Variants in SDC1 observed in about 807,000 individuals in gnomAD.
The protein encoded by SDC1 is syndecan-1.
SDC1 carries 14 observed loss-of-function variants against 29.7 expected under a neutral mutation model. The observed-to-expected ratio is 0.47, with a 90% CI of 0.31 to 0.74. SDC1 has a LOEUF of 0.74. Ranked by LOEUF, SDC1 falls within the 30% of genes least tolerant of loss-of-function variation. SDC1 has a pLI of 0.05. For synonymous variants in SDC1, 204 were observed against 175.5 expected, an observed-to-expected ratio of 1.16 and a Z score of -1.29; for missense variants, 406 against 400.3, an observed-to-expected ratio of 1.01 and a Z score of -0.12.
Position 20,216,410 on chromosome 2 carries a change from G to A in SDC1, c.66+8392C>T, listed in dbSNP as rs536724263. 9.8e-5 allele frequency among the ~76,000 whole-genome samples: 15 copies of A among 152,298 alleles called. No individual in the cohort carries two copies. In the South Asian group the frequency reaches 1.7e-3, roughly 17 times the overall value. On this transcript the variant is annotated intron_variant, in intron 1 of 4. Transcript: ENST00000254351. ...CCATCACAGCAGCACTGCACCCTGC[G>A]GTTTTCTCTGGGAGAAGCTGGAATG...
chr2:20,211,079 C>T (rs914272919), intron 1 of SDC1, among the ~76,000 whole-genome samples: 9 of 152,170 alleles, frequency 5.9e-5, no homozygotes, highest in African/African-American at 1.4e-4. Context: ...ACCTCTGCAT[C>T]AAGACACCAT....
In SDC1 at chr2:20,203,122, G is replaced by A; in HGVS notation, c.728C>T (p.Ser243Leu). Residue 243 changes from serine (S) to leucine (L), a missense_variant, in exon 4 of 5, where the codon TCA becomes TTA. Transcript: ENST00000254351. ...SPVDQGATGA[S>L]QGLLDRKEVL... Reference sequence around the variant, plus strand: ...CTCTTTCCTGTCCAGGAGGCCCTGTGAGGCCCCCGTGGCCCCCTGATCCAC... The same window carrying A: ...CTCTTTCCTGTCCAGGAGGCCCTGTAAGGCCCCCGTGGCCCCCTGATCCAC... 6.2e-7 allele frequency: 1 copy of A among 1,611,900 alleles called. No homozygotes were observed. Among genetic ancestry groups the A allele is most frequent in the Non-Finnish European group, 8.5e-7 (1 of 1,178,576 alleles).
At chr2:20,225,220 C>T (rs1677955247), upstream of SDC1, 1 of 181,122 alleles carries the variant, frequency 5.5e-6, no homozygotes, top group African/African-American at 2.4e-5. Flanking sequence ...CTCCCGGCCC[C>T]TTCGGAACGC....
At chr2:20,222,108 CACAG>C (rs1273602708) in intron 1 of SDC1, among the ~76,000 whole-genome samples, 2 of 138,172 alleles carry the variant, frequency 1.4e-5, no homozygotes, top group African/African-American at 2.6e-5. Flanking sequence ...CACACACACA[CACAG>C]AGAGAAAGAG....
At chr2:20,214,219 G>C (rs1052027814) in intron 1 of SDC1, among the ~76,000 whole-genome samples, 3 of 152,126 alleles carry the variant, frequency 2.0e-5, no homozygotes, top group Admixed American at 2.0e-4. Context: ...GCTCTTCCTG[G>C]AGTCACAGAT....
chr2:20,202,578 C>G lies in SDC1; in HGVS notation c.*188G>C. ...ACCCCTGGTGCCCTAAGTCTCCAGG[C>G]AGAAGTCAGAGAAGCAGAGTGGAGC... On this transcript the variant is annotated 3_prime_UTR_variant, in exon 5 of 5. Transcript: ENST00000254351. 4.7e-6 allele frequency: 3 copies of G among 644,362 alleles called. No individual in the cohort carries two copies. The East Asian group carries it at 7.8e-5, about 17-fold the overall frequency. The allele number at this position is 644,362 out of a possible 1,614,324, so 39.9% of individuals were successfully genotyped here.
At chr2:20,213,304 G>A (rs1677531534) in intron 1 of SDC1, among the ~76,000 whole-genome samples, 1 of 152,204 alleles carries the variant, frequency 6.6e-6, no homozygotes. Flanking sequence ...GCCAGGCCAG[G>A]CAGGGCAAGG....
At chr2:20,205,904 C>A (rs191730093) in intron 1 of SDC1, among the ~76,000 whole-genome samples, 180 of 152,344 alleles carry the variant, frequency 1.2e-3, no homozygotes, top group African/African-American at 4.2e-3. Flanking sequence ...AATCTCAGGA[C>A]AACCTGGGTG....
intron 3 of SDC1, 66 bp downstream of exon 3, chr2:20,203,747 G>C: frequency 8.4e-7 from 1 of 1,187,758 alleles, no homozygotes; most frequent in South Asian, 1.4e-5. Context: ...CAGGTGTAGG[G>C]CCTGCCAAGT....
intron 3 of SDC1, 83 bp downstream of exon 3, chr2:20,203,730 C>T (rs1362053751): frequency 2.9e-6 from 3 of 1,035,090 alleles, no homozygotes; most frequent in African/African-American, 3.2e-5. Flanking sequence ...GAGATGCCCG[C>T]AGGGCACAGG....
rs79200684 is a variant in SDC1 at position 20,202,122 on chromosome 2, T to A, written c.*644A>T. The A allele has an allele frequency of 2.2e-3, 1,229 of 546,646 alleles. 23 individuals carry two copies. In the East Asian group the frequency reaches 0.037, roughly 17 times the overall value. The allele number at this position is 546,646 out of a possible 1,614,324, so 33.9% of individuals were successfully genotyped here. On this transcript the variant is annotated 3_prime_UTR_variant, in exon 5 of 5. Coordinates refer to ENST00000254351, the MANE Select transcript of SDC1 (RefSeq NM_002997.5). ...TAAAAAAAAAAAAAAAAAGTCTTCT[T>A]AACCCTGATGCTGTCTCCCGACCAT...
Position 20,204,309 on chromosome 2 carries a change from G to C in SDC1, c.149-18C>G. The C allele has an allele frequency of 2.7e-6, 4 of 1,509,038 alleles. No homozygotes were observed. Among genetic ancestry groups the C allele is most frequent in the African/African-American group, 1.4e-5 (1 of 72,624 alleles). The allele number at this position is 1,509,038 out of a possible 1,614,324, so 93.5% of individuals were successfully genotyped here. A position where few individuals can be genotyped will look rare whatever the true frequency, so the allele number is the denominator to read the frequency against. ...CAAAGCACCTGCAGGACCAGAAGCA[G>C]AGTGTGTTGGGGAGGTGGGGGGTGG... is the stretch of plus-strand genomic sequence containing the variant. On this transcript the variant is annotated intron_variant, in intron 2 of 4. Transcript: ENST00000254351.
At chr2:20,211,393 A>C (rs1265930826) in intron 1 of SDC1, among the ~76,000 whole-genome samples, 1 of 152,184 alleles carries the variant, frequency 6.6e-6, no homozygotes, top group Non-Finnish European at 1.5e-5. Flanking sequence ...CCCTGTGAAC[A>C]AGCTCTAGTG....
intron 1 of SDC1, among the ~76,000 whole-genome samples, chr2:20,206,267 A>G (rs1337005422): frequency 6.6e-6 from 1 of 152,250 alleles, no homozygotes; most frequent in Non-Finnish European, 1.5e-5. Flanking sequence ...CAGCAGTCCC[A>G]GGAATGCTGC....
chr2:20,212,580 C>T lies in SDC1; in HGVS notation c.67-7156G>A, dbSNP rs548823167. On this transcript the variant is annotated intron_variant, in intron 1 of 4. Coordinates refer to ENST00000254351, the MANE Select transcript of SDC1 (RefSeq NM_002997.5). ...TGAAGCCATTCCCAGGAGGAGGGGC[C>T]TCACTGGGGCCTCAAGGCAGCATCA... Among the ~76,000 whole-genome samples, 145 of 152,362 alleles carry T rather than the reference C, an allele frequency of 9.5e-4. 1 individual carries two copies. The highest frequency in any genetic ancestry group is 8.1e-3 in the South Asian group (39 of 4,826).
At chr2:20,220,887 C>T (rs1011962399) in intron 1 of SDC1, among the ~76,000 whole-genome samples, 3 of 152,102 alleles carry the variant, frequency 2.0e-5, no homozygotes, top group Admixed American at 6.6e-5. Flanking sequence ...GGGGCATGAC[C>T]GAAGCTGAGA....
At chr2:20,222,484 T>A (rs1266334352) in intron 1 of SDC1, among the ~76,000 whole-genome samples, 1 of 151,956 alleles carries the variant, frequency 6.6e-6, no homozygotes, top group Non-Finnish European at 1.5e-5. Flanking sequence ...CTTTGTAAGA[T>A]CAGAAAAAGC....
chr2:20,205,316 T>G lies in SDC1; in HGVS notation c.148+27A>C, dbSNP rs1231300421. 3.2e-6 allele frequency: 5 copies of G among 1,546,376 alleles called. No individual in the cohort carries two copies. In the Admixed American group the frequency reaches 6.7e-5, roughly 21 times the overall value. On this transcript the variant is annotated intron_variant, in intron 2 of 4. Coordinates refer to ENST00000254351, the MANE Select transcript of SDC1 (RefSeq NM_002997.5). ...AGGCATGACCTGTTGCCGTCTTGGG[T>G]GGGGGGGGCCCCCATGACAACCTCA... is the stretch of plus-strand genomic sequence containing the variant.
chr2:20,225,278 C>T (rs1677957307), upstream of SDC1: 2 of 156,468 alleles, frequency 1.3e-5, no homozygotes, highest in African/African-American at 4.8e-5. Flanking sequence ...GGCTCCCGCT[C>T]CTCCGGTGGC....
Sources: gnomAD v4.1 joint callset for allele counts (sites outside exome capture counted in the v4.1 genomes callset) on GRCh38, gnomAD v4.1.1 for gene constraint, MANE v1.5 for transcripts, NCBI Gene and HGNC (gene_info 2026-07-23, HGNC 2026-07-21) for gene names.